The following FADS2 variants were observed in gnomAD, a reference collection of about 807,000 sequenced individuals.
The protein encoded by FADS2 is acyl-CoA 6-desaturase.
In FADS2, 18 loss-of-function variants were observed where a neutral mutation model predicts 61.2. That is an observed-to-expected ratio of 0.29 (90% CI 0.20 to 0.44). FADS2 has a LOEUF of 0.44. FADS2 is among the 20% of genes least tolerant of loss of function. The pLI is 1.00. For synonymous variants in FADS2, 203 were observed against 223.9 expected (o/e 0.91, Z 0.83); for missense variants, 322 against 572.7 (o/e 0.56, Z 4.47).
At chr11:61,852,778 C>T (rs145797394) in intron 5 of FADS2, among the ~76,000 whole-genome samples, 73 of 152,182 alleles carry the variant, frequency 4.8e-4, no homozygotes, top group Admixed American at 3.9e-4. Flanking sequence ...TGTCCACTTA[C>T]GTCTCTTCGT....
chr11:61,862,812 C>A, intron 7 of FADS2, 160 bp from the exon 8 acceptor site: 1 of 636,684 alleles, frequency 1.6e-6, no homozygotes. Flanking sequence ...CCATGCAAAC[C>A]CCGAGCAAGC....
intron 4 of FADS2, among the ~76,000 whole-genome samples, chr11:61,842,340 G>A (rs2067223957): frequency 6.6e-6 from 1 of 152,242 alleles, no homozygotes; most frequent in Admixed American, 6.5e-5. Flanking sequence ...GCACATAGTG[G>A]AGTGCTTTGT....
intron 5 of FADS2, 160 bp from the exon 6 acceptor site, chr11:61,856,851 G>T: frequency 1.5e-6 from 1 of 667,656 alleles, no homozygotes; most frequent in East Asian, 2.6e-5. Flanking sequence ...AGGGCTGGAG[G>T]GGCCCCAGGC....
At chr11:61,829,818 C>T (rs2067113910) in intron 1 of FADS2, among the ~76,000 whole-genome samples, 1 of 152,184 alleles carries the variant, frequency 6.6e-6, no homozygotes, top group Non-Finnish European at 1.5e-5. Context: ...AGGCCCGACC[C>T]TTAACTTCCC....
rs1388612720 is a variant in FADS2, at chr11:61,866,843, C to T, written c.*1154C>T. The stretch of plus-strand genomic sequence containing the variant: ...CCTTGTGACAATCTGCCTTTCACCA[C>T]ATGGCCTTGCCTCGGTGGCCCTGAC... On this transcript the variant is annotated 3_prime_UTR_variant, in exon 12 of 12. Transcript: ENST00000278840. 1 of 152,638 alleles carries T rather than the reference C, an allele frequency of 6.6e-6. No individual in the cohort carries two copies. The highest frequency in any genetic ancestry group is 1.5e-5 in the Non-Finnish European group (1 of 68,284). The allele number at this position is 152,638 out of a possible 1,614,324, so 9.5% of individuals were successfully genotyped here.
intron 1 of FADS2, among the ~76,000 whole-genome samples, chr11:61,822,607 G>A (rs2067043712): frequency 6.6e-6 from 1 of 152,178 alleles, no homozygotes; most frequent in Admixed American, 6.5e-5. Context: ...GTAGGTCCCA[G>A]ATCTTCAGAT....
At chr11:61,818,626 G>C (rs151010006) in intron 1 of FADS2, among the ~76,000 whole-genome samples, 83 of 152,308 alleles carry the variant, frequency 5.4e-4, no homozygotes, top group African/African-American at 1.6e-3. Context: ...TAAATGGCTA[G>C]AATGTGAACT....
intron 1 of FADS2, among the ~76,000 whole-genome samples, chr11:61,834,680 G>T (rs2135957251): frequency 6.6e-6 from 1 of 152,268 alleles, no homozygotes; most frequent in East Asian, 1.9e-4. Flanking sequence ...GAGACAAGAG[G>T]AATCCATTAG....
chr11:61,842,544 C>T (rs536554292), intron 4 of FADS2, among the ~76,000 whole-genome samples: 3 of 152,342 alleles, frequency 2.0e-5, no homozygotes, highest in East Asian at 3.9e-4. Context: ...CCCCAGAGCA[C>T]GGCTGTTGCG....
At chr11:61,852,796 G>C (rs2067318674) in intron 5 of FADS2, among the ~76,000 whole-genome samples, 1 of 151,984 alleles carries the variant, frequency 6.6e-6, no homozygotes, top group Non-Finnish European at 1.5e-5. Context: ...CGTAATTCTA[G>C]TTGTGTTTCG....
chr11:61,850,549 C>T (rs1029422323), intron 5 of FADS2, among the ~76,000 whole-genome samples: 2 of 152,224 alleles, frequency 1.3e-5, no homozygotes, highest in Non-Finnish European at 2.9e-5. Flanking sequence ...GCGCCTGGCC[C>T]ATAATTTCTT....
At chr11:61,824,423 AGAGAGAGAGAGG>A (rs2067055816), upstream of FADS2, among the ~76,000 whole-genome samples, 3 of 12,142 alleles carry the variant, frequency 2.5e-4, no homozygotes, top group Non-Finnish European at 4.3e-4. Context: ...AGAGAGAGAG[AGAGAGAGAGAGG>A]GAGGGAGGGA....
At chr11:61,856,783 T>G in intron 5 of FADS2, 2 of 561,300 alleles carry the variant, frequency 3.6e-6, no homozygotes, top group Non-Finnish European at 6.3e-6. Context: ...ATCGGGCCAG[T>G]GCTCGGCTAG....
chr11:61,853,365 G>A (rs1197183026), intron 5 of FADS2, among the ~76,000 whole-genome samples: 1 of 135,774 alleles, frequency 7.4e-6, no homozygotes, highest in Non-Finnish European at 1.5e-5. Context: ...GGATGTTGAA[G>A]TAGTCTCTTT....
upstream of FADS2, chr11:61,826,330 C>T (rs1034829144): frequency 1.4e-6 from 1 of 702,466 alleles, no homozygotes; most frequent in East Asian, 2.7e-5. Context: ...GGACCCCAGG[C>T]CCTGGCCGGT....
At chr11:61,853,262 T>TCTCCCTCCCTCCCTCC (rs1306970150) in intron 5 of FADS2, among the ~76,000 whole-genome samples, 7 of 131,464 alleles carry the variant, frequency 5.3e-5, no homozygotes, top group South Asian at 4.7e-4. Flanking sequence ...TCTTTCTTTC[T>TCTCCCTCCCTCCCTCC]CTCCCTCCCT....
intron 1 of FADS2, among the ~76,000 whole-genome samples, chr11:61,819,407 G>A (rs1461933126): frequency 2.0e-5 from 3 of 152,084 alleles, no homozygotes; most frequent in Non-Finnish European, 2.9e-5. Context: ...TCGGCTGGGC[G>A]TGGCGGCGTG....
Position 61,865,584 on chromosome 11 carries a change from C to T in FADS2, c.1284-54C>T. On this transcript the variant is annotated intron_variant, in intron 11 of 11. Transcript: ENST00000278840. The surrounding 1 kb of genome is among the most constrained non-coding windows in gnomAD (Gnocchi z 4.1). Reference sequence around the variant, plus strand: ...GATGGCCTCCTCAGCCCTTGCACTCCCTGGGGCCACTCCCGTCCTGGTCCC... The same window carrying T: ...GATGGCCTCCTCAGCCCTTGCACTCTCTGGGGCCACTCCCGTCCTGGTCCC... 1 of 1,546,608 alleles carries T rather than the reference C, an allele frequency of 6.5e-7. No individual in the cohort carries two copies. Among genetic ancestry groups the T allele is most frequent in the African/African-American group, 1.4e-5 (1 of 73,662 alleles).
At position 61,816,735 on chromosome 11, in the gene FADS2, G is replaced by C; in HGVS notation, c.141+309G>C. 9.0e-6 allele frequency: 14 copies of C among 1,555,932 alleles called. No homozygotes were observed. The highest frequency in any genetic ancestry group is 1.2e-5 in the Non-Finnish European group (14 of 1,151,284). ...GGGTAGGTCCCTGAGCCGCGGTCTCGGCGGCCACCGGGTCGGGGGCCATAG... is the reference window on the plus strand; with the variant it reads ...GGGTAGGTCCCTGAGCCGCGGTCTCCGCGGCCACCGGGTCGGGGGCCATAG... On this transcript the variant is annotated intron_variant, in intron 1 of 11. Transcript: ENST00000257261. The surrounding 1 kb of genome is among the most constrained non-coding windows in gnomAD (Gnocchi z 7.0).
Sources: allele counts gnomAD v4.1 joint callset (sites outside exome capture counted in the v4.1 genomes callset), GRCh38; gene constraint gnomAD v4.1.1; non-coding constraint Gnocchi (gnomAD v3.1); transcripts MANE v1.5; gene names NCBI Gene and HGNC (gene_info 2026-07-23, HGNC 2026-07-21).